ROR1: variants seen among roughly 807,000 people sequenced by gnomAD.
The protein encoded by ROR1 is inactive tyrosine-protein kinase transmembrane receptor ROR1.
ROR1 carries 19 observed loss-of-function variants against 78.8 expected under a neutral mutation model. The ratio of observed to expected loss-of-function variants is 0.24; its 90% CI spans 0.17 to 0.35. ROR1 has a LOEUF of 0.35. Among genes scored for constraint, ROR1 ranks in the 10% least tolerant of loss-of-function variants. ROR1 has a pLI of 1.00. For missense variants in ROR1, 917 were observed against 1,177.8 expected, an observed-to-expected ratio of 0.78 and a Z score of 3.24; for synonymous variants, 386 against 433.6, an observed-to-expected ratio of 0.89 and a Z score of 1.36.
chr1:63,841,768 G>A (rs747511491), intron 1 of ROR1, among the ~76,000 whole-genome samples: 30 of 152,074 alleles, frequency 2.0e-4, no homozygotes, highest in African/African-American at 5.1e-4. Flanking sequence ...CCTCTGCAGG[G>A]GACTAAGGGT....
intron 2 of ROR1, among the ~76,000 whole-genome samples, chr1:64,018,894 G>C (rs1646542218): frequency 6.6e-6 from 1 of 152,170 alleles, no homozygotes; most frequent in Non-Finnish European, 1.5e-5. Context: ...CGGGTTCGTT[G>C]AATCAGGCTA....
chr1:63,975,796 G>T (rs1403947580), intron 1 of ROR1, among the ~76,000 whole-genome samples: 1 of 152,102 alleles, frequency 6.6e-6, no homozygotes, highest in Admixed American at 6.6e-5. Flanking sequence ...CAATATTAGA[G>T]ACCTGTGATT....
intron 1 of ROR1, among the ~76,000 whole-genome samples, chr1:63,876,969 A>G (rs768959801): frequency 6.6e-6 from 1 of 152,114 alleles, no homozygotes; most frequent in African/African-American, 2.4e-5. Context: ...ATAACATTAA[A>G]CAACTCTACC....
chr1:64,074,378 G>T (rs916738334), intron 4 of ROR1, among the ~76,000 whole-genome samples: 8 of 152,164 alleles, frequency 5.3e-5, no homozygotes, highest in African/African-American at 1.9e-4. Flanking sequence ...TAATTAGATA[G>T]AAACTAAACT....
chr1:63,995,728 T>C (rs962979360), intron 1 of ROR1, among the ~76,000 whole-genome samples: 1 of 152,152 alleles, frequency 6.6e-6, no homozygotes, highest in Non-Finnish European at 1.5e-5. Flanking sequence ...ATATAACAAA[T>C]TACCCCAAAA....
intron 1 of ROR1, among the ~76,000 whole-genome samples, chr1:63,961,313 G>C (rs1381123946): frequency 6.6e-6 from 1 of 152,100 alleles, no homozygotes; most frequent in Admixed American, 6.5e-5. Flanking sequence ...ACTTCCATAT[G>C]ATCCAATAAT....
chr1:63,843,135 C>G (rs901269970), intron 1 of ROR1: 1 of 762,802 alleles, frequency 1.3e-6, no homozygotes, highest in Non-Finnish European at 2.2e-6. Context: ...CGGCCTGCAA[C>G]CCCCGAGGGC....
intron 1 of ROR1, among the ~76,000 whole-genome samples, chr1:64,003,988 A>C (rs1330828001): frequency 1.3e-5 from 2 of 152,192 alleles, no homozygotes; most frequent in African/African-American, 4.8e-5. Flanking sequence ...CTTCTATGTG[A>C]CTGACCCTGG....
intron 1 of ROR1, among the ~76,000 whole-genome samples, chr1:63,915,493 T>A (rs555128459): frequency 6.6e-6 from 1 of 152,188 alleles, no homozygotes; most frequent in Admixed American, 6.5e-5. Context: ...AGAAACTACA[T>A]GAATAAATGC....
chr1:63,982,763 G>A (rs542308225), intron 1 of ROR1, among the ~76,000 whole-genome samples: 3 of 152,174 alleles, frequency 2.0e-5, no homozygotes, highest in South Asian at 2.1e-4. Context: ...TAAAGGGAGC[G>A]GTAATAATAA....
intron 4 of ROR1, among the ~76,000 whole-genome samples, chr1:64,089,503 G>A (rs936732199): frequency 3.3e-5 from 5 of 152,136 alleles, no homozygotes; most frequent in African/African-American, 9.7e-5. Flanking sequence ...GAGCCACCGC[G>A]CCAGGCCTCA....
intron 2 of ROR1, among the ~76,000 whole-genome samples, chr1:64,028,145 T>C (rs917213106): frequency 6.6e-6 from 1 of 152,206 alleles, no homozygotes; most frequent in African/African-American, 2.4e-5. Flanking sequence ...AAAAATTCTT[T>C]TCACTGATTT....
At chr1:63,837,742 G>A (rs190354902) in intron 1 of ROR1, among the ~76,000 whole-genome samples, 2 of 152,278 alleles carry the variant, frequency 1.3e-5, no homozygotes, top group East Asian at 3.9e-4. Flanking sequence ...GATCAGTTGA[G>A]CCCAGGAGGT....
chr1:64,132,990 C>T (rs941163788), intron 4 of ROR1, among the ~76,000 whole-genome samples: 2 of 152,056 alleles, frequency 1.3e-5, no homozygotes, highest in African/African-American at 4.8e-5. Context: ...CTCATCTCTT[C>T]TAGTTCTATT....
At chr1:63,892,936 G>T (rs1482698196) in intron 1 of ROR1, among the ~76,000 whole-genome samples, 1 of 152,144 alleles carries the variant, frequency 6.6e-6, no homozygotes, top group Non-Finnish European at 1.5e-5. Context: ...CCCTTCAGTG[G>T]CCAGTGAAAC....
At chr1:64,132,760 C>CAAAAAA (rs749607703) in intron 4 of ROR1, among the ~76,000 whole-genome samples, 7 of 70,426 alleles carry the variant, frequency 9.9e-5, no homozygotes, top group East Asian at 5.1e-4. Flanking sequence ...GACTCCATCT[C>CAAAAAA]AAAAAAAAAA....
chr1:63,998,226 T>G (rs1330501501), intron 1 of ROR1, among the ~76,000 whole-genome samples: 1 of 151,516 alleles, frequency 6.6e-6, no homozygotes, highest in Admixed American at 6.6e-5. Flanking sequence ...TACTCACTGG[T>G]GGCCAAAGGA....
chr1:63,911,819 A>G (rs1434748661), intron 1 of ROR1, among the ~76,000 whole-genome samples: 6 of 152,158 alleles, frequency 3.9e-5, no homozygotes, highest in South Asian at 2.1e-4. Flanking sequence ...GACCTGTACA[A>G]GAGATATGCT....
intron 8 of ROR1, among the ~76,000 whole-genome samples, chr1:64,176,829 T>C (rs937726889): frequency 2.6e-5 from 4 of 152,202 alleles, no homozygotes; most frequent in Non-Finnish European, 4.4e-5. Context: ...ACAATAAATA[T>C]TCGAAGAATG....
Sources: gnomAD v4.1 joint callset for allele counts (sites outside exome capture counted in the v4.1 genomes callset) on GRCh38, gnomAD v4.1.1 for gene constraint, MANE v1.5 for transcripts, NCBI Gene and HGNC (gene_info 2026-07-23, HGNC 2026-07-21) for gene names.